Variants in EML6 observed in about 807,000 individuals in gnomAD.
EML6 encodes the protein EMAP like 6.
EML6 carries 154 observed loss-of-function variants against 240.1 expected under a neutral mutation model. That is an observed-to-expected ratio of 0.64 (90% CI 0.56 to 0.73). The LOEUF (loss-of-function observed/expected upper bound fraction) is 0.73. Among genes scored for constraint, EML6 ranks in the 30% least tolerant of loss-of-function variants. The probability of loss-of-function intolerance (pLI) is 0.00; values close to 1 mark genes in which losing one functional copy is unlikely to be tolerated. For synonymous variants in EML6, 1,148 were observed against 899.0 expected (o/e 1.28, Z -4.95); for missense variants, 2,964 against 2,474.6 (o/e 1.20, Z -4.20).
In EML6 at chr2:54,849,096, T is replaced by C. The variant is rs555955870; in HGVS notation, c.1188-866T>C. On this transcript the variant is annotated intron_variant, in intron 9 of 41. Coordinates refer to ENST00000356458, the MANE Select transcript of EML6 (RefSeq NM_001039753.4). ...ACAAAAATTTTAGGGAAAAATAATA[T>C]ATAGTTAAACATGAAAGCAAATGTG... Among the ~76,000 whole-genome samples, 131 of 152,324 alleles carry C rather than the reference T, an allele frequency of 8.6e-4. 2 individuals are homozygous for C. Among genetic ancestry groups the C allele is most frequent in the African/African-American group, 2.8e-3 (118 of 41,568 alleles).
At chr2:54,802,768 A>G (rs1670240143) in intron 2 of EML6, among the ~76,000 whole-genome samples, 1 of 152,052 alleles carries the variant, frequency 6.6e-6, no homozygotes, top group Non-Finnish European at 1.5e-5. Context: ...ACTGTGTCTC[A>G]CACCCTGTGC....
At chr2:54,815,704 G>T (rs73935663) in intron 3 of EML6, among the ~76,000 whole-genome samples, 6,285 of 152,214 alleles carry the variant, frequency 0.041, 439 homozygotes, top group African/African-American at 0.14. Context: ...CCTCAACGAT[G>T]TGTGTTATAT....
At chr2:54,956,363 T>G (rs1676233635) in intron 32 of EML6, among the ~76,000 whole-genome samples, 1 of 151,992 alleles carries the variant, frequency 6.6e-6, no homozygotes, top group Non-Finnish European at 1.5e-5. Flanking sequence ...GCTTTTGTAA[T>G]CTACCTGTTC....
chr2:54,968,436 C>T (rs1055226377), intron 40 of EML6, among the ~76,000 whole-genome samples, 155 bp downstream of exon 40: 5 of 152,138 alleles, frequency 3.3e-5, no homozygotes, highest in Admixed American at 1.3e-4. Flanking sequence ...CCTGGAGGGG[C>T]AGTCCTGGAA....
intron 24 of EML6, among the ~76,000 whole-genome samples, chr2:54,903,751 A>G (rs1009296453): frequency 2.0e-5 from 3 of 152,218 alleles, no homozygotes; most frequent in African/African-American, 7.2e-5. Flanking sequence ...TAAGACAGTT[A>G]AAGATACATG....
intron 21 of EML6, among the ~76,000 whole-genome samples, chr2:54,895,996 C>T (rs1419137480): frequency 1.3e-5 from 2 of 152,162 alleles, no homozygotes; most frequent in Admixed American, 1.3e-4. Context: ...TGGTTAGAAA[C>T]AAGTCACAGG....
At chr2:54,959,758 A>G (rs1471778734) in intron 34 of EML6, among the ~76,000 whole-genome samples, 2 of 152,160 alleles carry the variant, frequency 1.3e-5, no homozygotes, top group East Asian at 3.8e-4. Flanking sequence ...GTGAAACTCC[A>G]TCTCAAAATA....
Position 54,754,189 on chromosome 2 carries a change from C to G in EML6, c.197+28931C>G, listed in dbSNP as rs72915549. On this transcript the variant is annotated intron_variant, in intron 2 of 41. Transcript: ENST00000356458. ...ACAGAATCTTGCTACGTTACCCAAG[C>G]TGGCCTCAAACTCCTGGCCTCAAGC... is the stretch of plus-strand genomic sequence containing the variant. Among the ~76,000 whole-genome samples the G allele has an allele frequency of 9.8e-3, 1,489 of 151,318 alleles. 32 individuals are homozygous for G. The highest frequency in any genetic ancestry group is 0.034 in the African/African-American group (1,406 of 41,216).
At chr2:54,814,147 C>G (rs894607241) in intron 3 of EML6, among the ~76,000 whole-genome samples, 1 of 152,182 alleles carries the variant, frequency 6.6e-6, no homozygotes, top group African/African-American at 2.4e-5. Flanking sequence ...TCTATTTTAG[C>G]CAACTTTTCT....
chr2:54,903,028 G>C lies in EML6; in HGVS notation c.3125-16G>C, dbSNP rs1268897045. 14 of 1,542,114 alleles carry C rather than the reference G, an allele frequency of 9.1e-6. No homozygotes were observed. ...AAGTTTTGGATAATAAGTGTTTTTTGTGGATTCTTCTGTAGGTGGAAGATG... is the reference window on the plus strand; with the variant it reads ...AAGTTTTGGATAATAAGTGTTTTTTCTGGATTCTTCTGTAGGTGGAAGATG... On this transcript the variant is annotated splice_polypyrimidine_tract_variant and intron_variant, in intron 22 of 41. Transcript: ENST00000356458.
In EML6 at chr2:54,748,828, G is replaced by T. The variant is rs76894728; in HGVS notation, c.197+23570G>T. 1.4e-4 allele frequency among the ~76,000 whole-genome samples: 21 copies of T among 152,284 alleles called. No individual in the cohort carries two copies. The East Asian group carries it at 3.3e-3, about 24-fold the overall frequency. On this transcript the variant is annotated intron_variant, in intron 2 of 41. Coordinates refer to ENST00000356458, the MANE Select transcript of EML6 (RefSeq NM_001039753.4). ...TCCTCCCACCTTGGCCTTTTAAAAT[G>T]CTGGGATTACAGGTCTGCGCCACTG...
At chr2:54,885,876 G>T (rs889126946) in intron 17 of EML6, among the ~76,000 whole-genome samples, 1 of 152,128 alleles carries the variant, frequency 6.6e-6, no homozygotes. Flanking sequence ...CTCCCAAAGT[G>T]CTGAGATTAC....
chr2:54,969,690 C>T (rs892466713), intron 41 of EML6, among the ~76,000 whole-genome samples: 6 of 152,162 alleles, frequency 3.9e-5, no homozygotes, highest in Non-Finnish European at 8.8e-5. Flanking sequence ...CCTTTGTAGG[C>T]ATGGGAGCAT....
chr2:54,812,794 A>G (rs1667914056), intron 2 of EML6, among the ~76,000 whole-genome samples: 1 of 152,196 alleles, frequency 6.6e-6, no homozygotes, highest in Non-Finnish European at 1.5e-5. Context: ...TGAGGATAGT[A>G]TCTAGTGCTT....
intron 9 of EML6, among the ~76,000 whole-genome samples, chr2:54,848,679 A>G (rs150448760): frequency 6.6e-6 from 1 of 152,288 alleles, no homozygotes; most frequent in Non-Finnish European, 1.5e-5. Flanking sequence ...GTTTATTTGG[A>G]GTTGATGAAG....
At chr2:54,872,533 C>A (rs542756464) in intron 16 of EML6, among the ~76,000 whole-genome samples, 26 of 152,270 alleles carry the variant, frequency 1.7e-4, no homozygotes, top group African/African-American at 5.8e-4. Flanking sequence ...TCCATCCCAC[C>A]CTCTTCTGGA....
chr2:54,902,795 G>A (rs950570162), intron 22 of EML6, among the ~76,000 whole-genome samples: 2 of 152,232 alleles, frequency 1.3e-5, no homozygotes, highest in East Asian at 1.9e-4. Context: ...GACTGGTCTC[G>A]AACTCCTGGG....
chr2:54,903,633 C>G (rs891834078), intron 24 of EML6, 131 bp downstream of exon 24: 2 of 767,752 alleles, frequency 2.6e-6, no homozygotes, highest in Non-Finnish European at 4.0e-6. Flanking sequence ...ATATAAACGA[C>G]TGTAATTTTA....
chr2:54,945,669 T>C (rs1484641971), intron 28 of EML6, among the ~76,000 whole-genome samples: 1 of 152,172 alleles, frequency 6.6e-6, no homozygotes, highest in Non-Finnish European at 1.5e-5. Context: ...CTCTTACACA[T>C]TTCAGGTCAT....
Sources: allele counts gnomAD v4.1 joint callset (sites outside exome capture counted in the v4.1 genomes callset), GRCh38; gene constraint gnomAD v4.1.1; transcripts MANE v1.5; gene names NCBI Gene and HGNC (gene_info 2026-07-23, HGNC 2026-07-21).